The following CNTNAP3 variants were observed in gnomAD, a reference collection of about 807,000 sequenced individuals.
CNTNAP3 encodes the protein contactin-associated protein-like 3.
Under a neutral mutation model 92.1 loss-of-function variants are expected in CNTNAP3, and 36 were observed. The observed-to-expected ratio is 0.39, with a 90% CI of 0.30 to 0.52. The LOEUF (loss-of-function observed/expected upper bound fraction) is 0.52, where lower values mean the gene tolerates loss of function less well. Ranked by LOEUF, CNTNAP3 falls within the 20% of genes least tolerant of loss-of-function variation. The pLI is 0.76. For synonymous variants in CNTNAP3, 232 were observed against 422.3 expected (o/e 0.55, Z 5.53); for missense variants, 534 against 1,069.6 (o/e 0.50, Z 6.98).
chr9:39,138,469 A>G (rs1821494991), intron 12 of CNTNAP3, among the ~76,000 whole-genome samples: 1 of 152,218 alleles, frequency 6.6e-6, no homozygotes, highest in South Asian at 2.1e-4. Context: ...AAACAAAACA[A>G]AACAAAACAA....
chr9:39,114,015 C>G (rs938428477), intron 14 of CNTNAP3, among the ~76,000 whole-genome samples: 1 of 146,534 alleles, frequency 6.8e-6, no homozygotes, highest in Admixed American at 6.8e-5. Flanking sequence ...TATATACACA[C>G]ATATATATAC....
intron 21 of CNTNAP3, among the ~76,000 whole-genome samples, chr9:39,082,320 G>A (rs1382865140): frequency 1.3e-5 from 2 of 151,536 alleles, no homozygotes; most frequent in Admixed American, 1.3e-4. Context: ...AGACATCTGT[G>A]ATGCCCACTG....
At position 39,136,157 on chromosome 9, in the gene CNTNAP3, TAATAATAAA is replaced by T. The variant is rs1292472474; in HGVS notation, c.1877-3031_1877-3023del. Among the ~76,000 whole-genome samples the T allele has an allele frequency of 2.1e-5, 3 of 143,676 alleles. No homozygotes were observed. The East Asian group carries it at 7.4e-4, about 35-fold the overall frequency. The allele number at this position is 143,676 out of a possible 152,430, so 94.3% of individuals were successfully genotyped here. ...ATAATAATAATAATAATAATAATAA[TAATAATAAA>T]AATAATAGTTGTATGGGTACTTGAA... On this transcript the variant is annotated intron_variant, in intron 12 of 23. Transcript: ENST00000297668.
chr9:39,131,698 C>T (rs12350069), intron 13 of CNTNAP3, among the ~76,000 whole-genome samples: 1 of 152,236 alleles, frequency 6.6e-6, no homozygotes, highest in Non-Finnish European at 1.5e-5. Context: ...TGGCGGCACC[C>T]GCCTGTATTC....
chr9:39,123,180 C>T (rs1340376833), intron 13 of CNTNAP3, among the ~76,000 whole-genome samples: 17 of 150,906 alleles, frequency 1.1e-4, no homozygotes, highest in Non-Finnish European at 2.2e-4. Flanking sequence ...CTGCAAGCTC[C>T]GCCTCCTGGG....
At chr9:39,078,643 T>C in intron 22 of CNTNAP3, 47 bp downstream of exon 22, 1 of 1,548,878 alleles carries the variant, frequency 6.5e-7, no homozygotes, top group South Asian at 1.2e-5. Context: ...TCACAAACAT[T>C]TGAGAGAAGC....
At chr9:39,153,944 T>C (rs1395966461) in intron 9 of CNTNAP3, 1 of 186,680 alleles carries the variant, frequency 5.4e-6, no homozygotes, top group Non-Finnish European at 1.1e-5. Context: ...GTTTCTTTGG[T>C]GCAAATAACA....
intron 10 of CNTNAP3, among the ~76,000 whole-genome samples, chr9:39,148,667 A>G (rs1292010234): frequency 6.6e-6 from 1 of 151,852 alleles, no homozygotes; most frequent in African/African-American, 2.4e-5. Flanking sequence ...CTGGAACTAC[A>G]GGCGCCCGCC....
chr9:39,225,852 C>A (rs3119283), intron 3 of CNTNAP3, among the ~76,000 whole-genome samples: 1 of 18,676 alleles, frequency 5.4e-5, no homozygotes, highest in African/African-American at 7.4e-5. Context: ...TAAAAACTTG[C>A]TCTATTAGCC....
intron 13 of CNTNAP3, among the ~76,000 whole-genome samples, chr9:39,119,048 T>G (rs1374016017): frequency 2.0e-5 from 3 of 152,072 alleles, no homozygotes; most frequent in Non-Finnish European, 2.9e-5. Flanking sequence ...AAAGTTAGGA[T>G]AATTTAAAAA....
In CNTNAP3 at chr9:39,069,792, C is replaced by A. The variant is rs1377322682; in HGVS notation, c.*4098G>T. Among the ~76,000 whole-genome samples, 128 of 151,936 alleles carry A rather than the reference C, an allele frequency of 8.4e-4. No individual in the cohort carries two copies. Among genetic ancestry groups the A allele is most frequent in the Non-Finnish European group, 1.2e-3 (84 of 67,704 alleles). On this transcript the variant is annotated 3_prime_UTR_variant, in exon 24 of 24. Transcript: ENST00000297668. ...GACAACACATCAGCAATGAACTTAG[C>A]CTGAGCTACATCCATTGGGAGTGAT...
intron 10 of CNTNAP3, among the ~76,000 whole-genome samples, chr9:39,146,934 G>A (rs771683504): frequency 3.9e-5 from 6 of 152,120 alleles, no homozygotes; most frequent in Non-Finnish European, 8.8e-5. Flanking sequence ...ATCTCATCTT[G>A]AATTGTAGTT....
chr9:39,083,404 T>C (rs1479711226), intron 21 of CNTNAP3, among the ~76,000 whole-genome samples: 1 of 152,166 alleles, frequency 6.6e-6, no homozygotes, highest in East Asian at 1.9e-4. Context: ...CTCACACCTG[T>C]AATCCCAGCA....
chr9:39,108,906 T>C (rs11794828), intron 15 of CNTNAP3, among the ~76,000 whole-genome samples: 3,180 of 152,204 alleles, frequency 0.021, 62 homozygotes, highest in East Asian at 0.11. Flanking sequence ...ATACAATCAA[T>C]TGATAATAAA....
chr9:39,104,942 T>C (rs1460409746), intron 15 of CNTNAP3, among the ~76,000 whole-genome samples: 1 of 152,198 alleles, frequency 6.6e-6, no homozygotes, highest in Admixed American at 6.5e-5. Flanking sequence ...TTTTTCTCTT[T>C]GTAATTCATG....
intron 23 of CNTNAP3, among the ~76,000 whole-genome samples, chr9:39,074,938 T>A (rs1825717533): frequency 1.3e-5 from 2 of 152,190 alleles, no homozygotes. Context: ...CCGGCTAACT[T>A]TTTGCATTTT....
chr9:39,133,232 T>C lies in CNTNAP3; in HGVS notation c.1877-97A>G, dbSNP rs573443441. ...GTCTTTTATGTGAATTAACGTTTAATTGAAATTTACATTACTGCATGTTTG... is the reference window on the plus strand; with the variant it reads ...GTCTTTTATGTGAATTAACGTTTAACTGAAATTTACATTACTGCATGTTTG... On this transcript the variant is annotated intron_variant, in intron 12 of 23. Coordinates refer to ENST00000297668, the MANE Select transcript of CNTNAP3 (RefSeq NM_033655.5). 11 of 1,421,054 alleles carry C rather than the reference T, an allele frequency of 7.7e-6. No individual in the cohort carries two copies. In the Admixed American group the frequency reaches 7.9e-5, roughly 10 times the overall value. The allele number at this position is 1,421,054 out of a possible 1,614,324, so 88.0% of individuals were successfully genotyped here.
At chr9:39,077,643 C>T (rs1377461881) in intron 23 of CNTNAP3, among the ~76,000 whole-genome samples, 4 of 152,018 alleles carry the variant, frequency 2.6e-5, no homozygotes, top group Non-Finnish European at 5.9e-5. Context: ...CTAAATCATA[C>T]TATTTGTCAT....
chr9:39,133,505 CTCTATT>C (rs1418393274), intron 12 of CNTNAP3, among the ~76,000 whole-genome samples: 8 of 150,910 alleles, frequency 5.3e-5, no homozygotes, highest in Non-Finnish European at 1.0e-4. Context: ...CTGTATGTGC[CTCTATT>C]TCTTTCATTA....
Sources: gnomAD v4.1 joint callset for allele counts (sites outside exome capture counted in the v4.1 genomes callset) on GRCh38, gnomAD v4.1.1 for gene constraint, MANE v1.5 for transcripts, NCBI Gene and HGNC (gene_info 2026-07-23, HGNC 2026-07-21) for gene names.